TTC13: variants seen among roughly 807,000 people sequenced by gnomAD.
TTC13 encodes the protein tetratricopeptide repeat protein 13.
TTC13 carries 62 observed loss-of-function variants against 120.0 expected under a neutral mutation model. That is an observed-to-expected ratio of 0.52 (90% CI 0.42 to 0.64). The LOEUF is 0.64. Ranked by LOEUF, TTC13 falls within the 30% of genes least tolerant of loss-of-function variation. The probability of loss-of-function intolerance (pLI) is 0.00; values close to 1 mark genes in which losing one functional copy is unlikely to be tolerated. For missense variants in TTC13, 824 were observed against 1,050.2 expected (o/e 0.78, Z 2.98); for synonymous variants, 384 against 393.5 (o/e 0.98, Z 0.28).
chr1:230,955,652 CAG>C (rs35285264), intron 3 of TTC13, among the ~76,000 whole-genome samples: 45,514 of 128,628 alleles, frequency 0.35, 7,521 homozygotes, highest in Middle Eastern at 0.55. Flanking sequence ...GCCTGGGCGA[CAG>C]AGAGAGACTC....
chr1:230,962,133 C>T (rs1202736344), intron 1 of TTC13, among the ~76,000 whole-genome samples: 1 of 151,848 alleles, frequency 6.6e-6, no homozygotes, highest in Non-Finnish European at 1.5e-5. Context: ...TCGCTTGAAC[C>T]CGGGAGGCAG....
chr1:230,924,480 G>A (rs879898221), intron 14 of TTC13, among the ~76,000 whole-genome samples: 2 of 152,048 alleles, frequency 1.3e-5, no homozygotes, highest in East Asian at 3.9e-4. Flanking sequence ...CTACAGGCGC[G>A]CACCACCACG....
intron 3 of TTC13, among the ~76,000 whole-genome samples, chr1:230,955,449 G>A (rs1480650972): frequency 6.9e-6 from 1 of 144,020 alleles, no homozygotes; most frequent in African/African-American, 2.5e-5. Flanking sequence ...AGATCACAAG[G>A]TCAGGAGATC....
intron 1 of TTC13, among the ~76,000 whole-genome samples, chr1:230,972,199 T>C (rs1677833787): frequency 6.6e-6 from 1 of 152,172 alleles, no homozygotes; most frequent in Non-Finnish European, 1.5e-5. Context: ...GGACTCTAAA[T>C]CAGACAAAAC....
intron 4 of TTC13, among the ~76,000 whole-genome samples, chr1:230,951,953 A>G (rs1237492974): frequency 6.6e-6 from 1 of 152,224 alleles, no homozygotes; most frequent in Non-Finnish European, 1.5e-5. Context: ...CGAGAATTTG[A>G]TGAAATCAAC....
At position 230,909,036 on chromosome 1, in the gene TTC13, A is replaced by C; in HGVS notation, c.2310-16T>G. 6.2e-7 allele frequency: 1 copy of C among 1,611,048 alleles called. No homozygotes were observed. The highest frequency in any genetic ancestry group is 1.1e-5 in the South Asian group (1 of 90,974). ...AGCAATTACACTATTTAAATAAAGA[A>C]CAAAGGTCAATCCATCCTGGACGGT... On this transcript the variant is annotated splice_polypyrimidine_tract_variant and intron_variant, in intron 20 of 22. Coordinates refer to ENST00000366661, the MANE Select transcript of TTC13 (RefSeq NM_024525.5).
chr1:230,951,433 C>T (rs983893178), intron 4 of TTC13, among the ~76,000 whole-genome samples: 1 of 151,350 alleles, frequency 6.6e-6, no homozygotes, highest in African/African-American at 2.4e-5. Flanking sequence ...AAATTCTGTA[C>T]ATGAATAGCT....
At chr1:230,939,353 A>G (rs762800432) in intron 8 of TTC13, 33 bp downstream of exon 8, 1 of 1,354,684 alleles carries the variant, frequency 7.4e-7, no homozygotes, top group Non-Finnish European at 1.0e-6. Context: ...AAGCAGAGTC[A>G]TCATATGGTA....
At chr1:230,964,964 T>C (rs1676991650) in intron 1 of TTC13, among the ~76,000 whole-genome samples, 1 of 152,182 alleles carries the variant, frequency 6.6e-6, no homozygotes, top group South Asian at 2.1e-4. Context: ...CCTCACCATA[T>C]ACAAAATGAA....
chr1:230,906,904 A>C lies in TTC13; in HGVS notation c.*1T>G, dbSNP rs369149530. The C allele has an allele frequency of 2.0e-6, 3 of 1,463,500 alleles. No homozygotes were observed. Among genetic ancestry groups the C allele is most frequent in the Non-Finnish European group, 1.8e-6 (2 of 1,098,808 alleles). 90.7% of individuals were successfully genotyped at this position (1,463,500 alleles called of 1,614,324 possible). On this transcript the variant is annotated 3_prime_UTR_variant, in exon 23 of 23. Coordinates refer to ENST00000366661, the MANE Select transcript of TTC13 (RefSeq NM_024525.5). ...TTACTTGTATAAATACAGCAGCAGA[A>C]CTAGAGTTTCTTAAGACAACGTGGA...
intron 19 of TTC13, among the ~76,000 whole-genome samples, 154 bp downstream of exon 19, chr1:230,912,469 G>T (rs574364214): frequency 1.1e-3 from 169 of 152,070 alleles, no homozygotes; most frequent in Non-Finnish European, 1.8e-3. Context: ...CTAAATACAA[G>T]AATTTTTGCC....
chr1:230,949,165 A>T (rs2102913287), intron 4 of TTC13, among the ~76,000 whole-genome samples: 1 of 151,992 alleles, frequency 6.6e-6, no homozygotes, highest in East Asian at 2.0e-4. Context: ...AAACCAACAC[A>T]GAAGACAAAG....
At chr1:230,913,630 C>T (rs1025551328) in intron 18 of TTC13, among the ~76,000 whole-genome samples, 2 of 152,230 alleles carry the variant, frequency 1.3e-5, no homozygotes, top group Non-Finnish European at 2.9e-5. Context: ...GTATGAGCCA[C>T]CACTTCTGGC....
At chr1:230,915,680 G>T (rs970015825) in intron 18 of TTC13, among the ~76,000 whole-genome samples, 12 of 151,956 alleles carry the variant, frequency 7.9e-5, no homozygotes, top group African/African-American at 2.9e-4. Flanking sequence ...AGTTTTTAAA[G>T]AAAATAACTT....
intron 16 of TTC13, among the ~76,000 whole-genome samples, 157 bp from the exon 17 acceptor site, chr1:230,920,751 A>G (rs189172557): frequency 4.4e-4 from 67 of 152,366 alleles, no homozygotes; most frequent in Non-Finnish European, 8.4e-4. Context: ...ATAACGGGAT[A>G]GTTCAATTCT....
chr1:230,977,659 T>C, intron 1 of TTC13, among the ~76,000 whole-genome samples: 1 of 151,708 alleles, frequency 6.6e-6, no homozygotes, highest in Non-Finnish European at 1.5e-5. Flanking sequence ...AAAGCAACCA[T>C]CTCCCAGTGG....
chr1:230,937,619 T>G (rs1430004944), intron 8 of TTC13, among the ~76,000 whole-genome samples: 1 of 152,248 alleles, frequency 6.6e-6, no homozygotes. Context: ...CTCCACATAC[T>G]TCCAAAAGGA....
chr1:230,914,673 G>A (rs545757129), intron 18 of TTC13, among the ~76,000 whole-genome samples: 24 of 152,236 alleles, frequency 1.6e-4, no homozygotes, highest in African/African-American at 3.1e-4. Flanking sequence ...GATTACAGGC[G>A]TGAGCCACTG....
chr1:230,958,549 G>A (rs535619323), intron 2 of TTC13, among the ~76,000 whole-genome samples: 13 of 152,160 alleles, frequency 8.5e-5, no homozygotes, highest in African/African-American at 1.4e-4. Context: ...CCTGGAACCT[G>A]GTAAAGCTTC....
Sources: allele counts gnomAD v4.1 joint callset (sites outside exome capture counted in the v4.1 genomes callset), GRCh38; gene constraint gnomAD v4.1.1; transcripts MANE v1.5; gene names NCBI Gene and HGNC (gene_info 2026-07-23, HGNC 2026-07-21).